The following ESYT2 variants were observed in gnomAD, a reference collection of about 807,000 sequenced individuals.
ESYT2 encodes extended synaptotagmin 2, also known as extended synaptotagmin-2.
In ESYT2, 54 loss-of-function variants were observed where a neutral mutation model predicts 107.2. The ratio of observed to expected loss-of-function variants is 0.50; its 90% CI spans 0.40 to 0.63. ESYT2 has a LOEUF of 0.63. Among genes scored for constraint, ESYT2 ranks in the 30% least tolerant of loss-of-function variants. ESYT2 has a pLI of 0.00. For missense variants in ESYT2, 1,020 were observed against 1,094.5 expected (o/e 0.93, Z 0.96); for synonymous variants, 491 against 434.1 (o/e 1.13, Z -1.63).
At chr7:158,738,078 AG>A (rs1837031132) in intron 19 of ESYT2, among the ~76,000 whole-genome samples, 1 of 152,098 alleles carries the variant, frequency 6.6e-6, no homozygotes, top group South Asian at 2.1e-4. Context: ...AAAATTAGCC[AG>A]GCCTGGTGGC....
rs532926633 is a variant in ESYT2 at position 158,822,743 on chromosome 7, C to T, written c.330+6346G>A. ...GGAGGATCCCTCAAGCCTAGGAGTT[C>T]GAGGCCAGCCTGGGGTAACACAGTG... On this transcript the variant is annotated intron_variant, in intron 1 of 22. Coordinates refer to ENST00000275418, the MANE Select transcript of ESYT2 (RefSeq NM_001367773.1). 6.6e-5 allele frequency among the ~76,000 whole-genome samples: 10 copies of T among 151,798 alleles called. No homozygotes were observed. The East Asian group carries it at 1.7e-3, about 27-fold the overall frequency.
At chr7:158,813,168 C>T (rs752932814) in intron 1 of ESYT2, among the ~76,000 whole-genome samples, 2 of 152,126 alleles carry the variant, frequency 1.3e-5, no homozygotes, top group Non-Finnish European at 2.9e-5. Flanking sequence ...GTGAAATAAA[C>T]CAATCTGAAA....
In ESYT2 at chr7:158,752,701, C is replaced by A. The variant is rs113580485; in HGVS notation, c.1482+80G>T. 1,270 of 968,516 alleles carry A rather than the reference C, an allele frequency of 1.3e-3. 13 individuals are homozygous for A. The African/African-American group carries it at 0.016, about 13-fold the overall frequency. 60.0% of individuals were successfully genotyped at this position (968,516 alleles called of 1,614,324 possible). On this transcript the variant is annotated intron_variant, in intron 14 of 22. Transcript: ENST00000275418. ...CTACATAAATATGGGAGGTAATTTG[C>A]CAATAAACTTATGAGACAAAGTATC...
At chr7:158,804,755 CGAGA>C (rs1225700628) in intron 1 of ESYT2, among the ~76,000 whole-genome samples, 1 of 150,928 alleles carries the variant, frequency 6.6e-6, no homozygotes, top group Non-Finnish European at 1.5e-5. Context: ...CCCAAACTGC[CGAGA>C]AAGGTGAGGT....
At chr7:158,804,930 G>C (rs1232747140) in intron 1 of ESYT2, among the ~76,000 whole-genome samples, 1 of 152,192 alleles carries the variant, frequency 6.6e-6, no homozygotes, top group Non-Finnish European at 1.5e-5. Context: ...GGGGCCTGGG[G>C]AAAAGCAACT....
intron 20 of ESYT2, 48 bp downstream of exon 20, chr7:158,737,000 C>G (rs541283023): frequency 3.7e-6 from 6 of 1,604,292 alleles, no homozygotes; most frequent in African/African-American, 1.3e-5. Flanking sequence ...CTTCTTAATC[C>G]GTCACTTCAA....
intron 13 of ESYT2, among the ~76,000 whole-genome samples, chr7:158,756,167 G>C (rs777025812): frequency 6.6e-6 from 1 of 152,180 alleles, no homozygotes; most frequent in Non-Finnish European, 1.5e-5. Flanking sequence ...AATGCAAAGC[G>C]CTATCACTGC....
chr7:158,814,139 T>C (rs973938802), intron 1 of ESYT2, among the ~76,000 whole-genome samples: 3 of 151,372 alleles, frequency 2.0e-5, no homozygotes, highest in East Asian at 3.9e-4. Flanking sequence ...TCGGGCGTGG[T>C]GGTGGACGCC....
At chr7:158,763,938 G>T (rs1283297805) in intron 9 of ESYT2, among the ~76,000 whole-genome samples, 1 of 152,162 alleles carries the variant, frequency 6.6e-6, no homozygotes, top group East Asian at 1.9e-4. Context: ...AAGGAGTGGG[G>T]GAGAGGAGTC....
At chr7:158,808,071 A>G (rs1348596494) in intron 1 of ESYT2, among the ~76,000 whole-genome samples, 1 of 152,154 alleles carries the variant, frequency 6.6e-6, no homozygotes, top group East Asian at 1.9e-4. Flanking sequence ...CCAAATCTTA[A>G]CATTGGGGTA....
intron 1 of ESYT2, chr7:158,827,497 C>T (rs1840491382): frequency 6.6e-6 from 1 of 152,134 alleles, no homozygotes; most frequent in African/African-American, 2.4e-5. Context: ...CTACACACCC[C>T]TCGGTTTTTC....
chr7:158,741,652 C>A lies in ESYT2; in HGVS notation c.2039G>T (p.Arg680Ile). 1 of 1,613,916 alleles carries A rather than the reference C, an allele frequency of 6.2e-7. No individual in the cohort carries two copies. Among genetic ancestry groups the A allele is most frequent in the Non-Finnish European group, 8.5e-7 (1 of 1,180,020 alleles). Residue 680 changes from arginine to isoleucine, a missense_variant, in exon 18 of 23, where the codon AGA becomes ATA. Transcript: ENST00000275418. ...AGPQGLHDLG[R>I]SSSSLLASPG... ...GGAGGCCAGGAGGCTGGAGGAGCTT[C>A]TGCCCAGGTCGTGCAGCCCCTGAGG...
chr7:158,820,894 G>A (rs960032447), intron 1 of ESYT2, among the ~76,000 whole-genome samples: 3 of 152,194 alleles, frequency 2.0e-5, no homozygotes, highest in South Asian at 2.1e-4. Flanking sequence ...AAATTTCTGA[G>A]TTTAAGGCCT....
chr7:158,804,386 A>C (rs111313618), intron 1 of ESYT2, among the ~76,000 whole-genome samples: 9,391 of 115,348 alleles, frequency 0.081, 722 homozygotes, highest in Middle Eastern at 0.15. Context: ...GGGTGAGGCG[A>C]GTGACAAACC....
chr7:158,751,742 CTTG>C (rs71985806), intron 14 of ESYT2, among the ~76,000 whole-genome samples: 1,950 of 151,890 alleles, frequency 0.013, 47 homozygotes, highest in African/African-American at 0.044. Flanking sequence ...GACGAAGTGT[CTTG>C]TTGGAGGTCA....
intron 6 of ESYT2, among the ~76,000 whole-genome samples, chr7:158,775,543 T>C (rs1168765207): frequency 6.6e-6 from 1 of 152,244 alleles, no homozygotes; most frequent in African/African-American, 2.4e-5. Flanking sequence ...GTAGATTCCA[T>C]CTCAGGAAAC....
chr7:158,805,791 G>A (rs966022918), intron 1 of ESYT2, among the ~76,000 whole-genome samples: 1 of 152,170 alleles, frequency 6.6e-6, no homozygotes, highest in Admixed American at 6.5e-5. Context: ...TAGGAAATCC[G>A]AAAAGACACT....
Position 158,829,288 on chromosome 7 carries a change from A to G in ESYT2, c.131T>C (p.Phe44Ser). Reference sequence around the variant, plus strand: ...CGCGTACACGGGCAGCAGCAGCGCGAAGCTCCGCGCCAGCTGCGCCAGCAG... The same window carrying G: ...CGCGTACACGGGCAGCAGCAGCGCGGAGCTCCGCGCCAGCTGCGCCAGCAG... ...PGLLAQLARS[F>S]ALLLPVYALG... The change falls in exon 1 of 23, where the codon TTC becomes TCC. Residue 44 changes from phenylalanine to serine, a missense_variant. Phe to Ser is a radical substitution (Grantham distance 155). Transcript: ENST00000275418. 1 of 1,513,638 alleles carries G rather than the reference A, an allele frequency of 6.6e-7. No homozygotes were observed. Among genetic ancestry groups the G allele is most frequent in the Non-Finnish European group, 8.8e-7 (1 of 1,139,702 alleles). The allele number at this position is 1,513,638 out of a possible 1,614,324, so 93.8% of individuals were successfully genotyped here.
At chr7:158,825,384 T>C (rs2129474426) in intron 1 of ESYT2, among the ~76,000 whole-genome samples, 1 of 152,292 alleles carries the variant, frequency 6.6e-6, no homozygotes, top group East Asian at 1.9e-4. Context: ...TACCACAGGG[T>C]AGACACTTAA....
Sources: allele counts gnomAD v4.1 joint callset (sites outside exome capture counted in the v4.1 genomes callset), GRCh38; gene constraint gnomAD v4.1.1; transcripts MANE v1.5; gene names NCBI Gene and HGNC (gene_info 2026-07-23, HGNC 2026-07-21).